SPOCK1: variants seen among roughly 807,000 people sequenced by gnomAD.
The protein encoded by SPOCK1 is SPARC (osteonectin), cwcv and kazal like domains proteoglycan 1.
In SPOCK1, 23 loss-of-function variants were observed where a neutral mutation model predicts 55.3. The ratio of observed to expected loss-of-function variants is 0.42; its 90% CI spans 0.30 to 0.59. The LOEUF (loss-of-function observed/expected upper bound fraction) is 0.59, where lower values mean the gene tolerates loss of function less well. Among genes scored for constraint, SPOCK1 ranks in the 20% least tolerant of loss-of-function variants. The pLI, the probability that SPOCK1 is intolerant of heterozygous loss-of-function variation, is 0.22. For synonymous variants in SPOCK1, 226 were observed against 221.0 expected (o/e 1.02, Z -0.20); for missense variants, 499 against 552.5 (o/e 0.90, Z 0.97).
rs192537037 is a variant in SPOCK1, at chr5:137,213,669, G to A, written c.232+53341C>T. 4.6e-5 allele frequency among the ~76,000 whole-genome samples: 7 copies of A among 152,294 alleles called. No individual in the cohort carries two copies. The East Asian group carries it at 1.3e-3, about 29-fold the overall frequency. ...ATGCTCCAAACTAATTCAGTATGTT[G>A]ATGAGCCTCTAGTTCCCCATCTGTA... On this transcript the variant is annotated intron_variant, in intron 3 of 10. Transcript: ENST00000394945.
intron 6 of SPOCK1, among the ~76,000 whole-genome samples, chr5:137,054,880 C>T (rs1752273062): frequency 6.6e-6 from 1 of 151,806 alleles, no homozygotes; most frequent in South Asian, 2.1e-4. Context: ...AGACATAATC[C>T]CTGCTTTCTA....
chr5:136,981,737 C>T (rs138740979), intron 9 of SPOCK1, among the ~76,000 whole-genome samples: 2 of 152,252 alleles, frequency 1.3e-5, no homozygotes, highest in African/African-American at 4.8e-5. Flanking sequence ...ACATTCAATG[C>T]CTAGATTCAG....
chr5:137,258,801 C>T (rs976754340), intron 3 of SPOCK1, among the ~76,000 whole-genome samples: 3 of 152,188 alleles, frequency 2.0e-5, no homozygotes, highest in Admixed American at 1.3e-4. Flanking sequence ...AGCTGCAGTG[C>T]CCCATAATTG....
intron 2 of SPOCK1, among the ~76,000 whole-genome samples, chr5:137,425,810 T>C (rs1752596156): frequency 6.6e-6 from 1 of 152,250 alleles, no homozygotes; most frequent in East Asian, 1.9e-4. Context: ...AGTCACACTA[T>C]ATTATAGAAT....
intron 5 of SPOCK1, among the ~76,000 whole-genome samples, chr5:137,097,341 A>G (rs1337087528): frequency 6.6e-6 from 1 of 152,228 alleles, no homozygotes; most frequent in East Asian, 1.9e-4. Flanking sequence ...GTTCCAGTAC[A>G]GTCATCCCAG....
At chr5:137,095,895 T>C (rs1257568131) in intron 5 of SPOCK1, among the ~76,000 whole-genome samples, 6 of 150,558 alleles carry the variant, frequency 4.0e-5, no homozygotes, top group Non-Finnish European at 7.4e-5. Context: ...ACCTGTGAGC[T>C]GTGAAAACCA....
intron 6 of SPOCK1, among the ~76,000 whole-genome samples, chr5:136,997,170 T>C (rs1751059246): frequency 6.6e-6 from 1 of 152,190 alleles, no homozygotes; most frequent in Non-Finnish European, 1.5e-5. Context: ...GAGCCACGTC[T>C]CTGGGATCCA....
chr5:137,356,838 T>TATATATATGGAGAGAGAG (rs1554077335), intron 2 of SPOCK1, among the ~76,000 whole-genome samples: 1 of 5,460 alleles, frequency 1.8e-4, no homozygotes, highest in Non-Finnish European at 3.1e-4. Flanking sequence ...TATATATATA[T>TATATATATGGAGAGAGAG]AGAGAGAGAG....
At chr5:137,145,571 C>T (rs75553613) in intron 3 of SPOCK1, among the ~76,000 whole-genome samples, 6,599 of 152,236 alleles carry the variant, frequency 0.043, 480 homozygotes, top group African/African-American at 0.15. Context: ...AAATCACACA[C>T]ATTTGTGTTT....
intron 3 of SPOCK1, among the ~76,000 whole-genome samples, chr5:137,220,668 C>A (rs1330148443): frequency 6.6e-6 from 1 of 152,170 alleles, no homozygotes; most frequent in Non-Finnish European, 1.5e-5. Flanking sequence ...ACACTAAGGA[C>A]AAGGACTGAG....
chr5:137,133,650 A>G (rs987351143), intron 4 of SPOCK1, among the ~76,000 whole-genome samples: 1 of 152,178 alleles, frequency 6.6e-6, no homozygotes, highest in Non-Finnish European at 1.5e-5. Flanking sequence ...CTCCACAAAC[A>G]GCTAGGTCCT....
intron 2 of SPOCK1, among the ~76,000 whole-genome samples, chr5:137,352,607 G>A: frequency 6.6e-6 from 1 of 152,136 alleles, no homozygotes. Flanking sequence ...AGAAGCCATG[G>A]TGGAAAGACG....
chr5:137,099,171 T>G (rs750369270), intron 5 of SPOCK1, among the ~76,000 whole-genome samples: 10 of 152,202 alleles, frequency 6.6e-5, no homozygotes. Context: ...TCAGCCTAGA[T>G]GAGAGAGCAA....
intron 2 of SPOCK1, among the ~76,000 whole-genome samples, chr5:137,399,244 G>T (rs576830754): frequency 1.3e-5 from 2 of 152,308 alleles, no homozygotes; most frequent in South Asian, 4.1e-4. Context: ...TAATACTGAG[G>T]ACTAGGCATT....
At chr5:137,101,879 A>G (rs911996227) in intron 5 of SPOCK1, among the ~76,000 whole-genome samples, 1 of 152,220 alleles carries the variant, frequency 6.6e-6, no homozygotes, top group Non-Finnish European at 1.5e-5. Flanking sequence ...TCCTGAATTA[A>G]AATGACACTA....
At chr5:137,035,286 C>T (rs1347192834) in intron 6 of SPOCK1, among the ~76,000 whole-genome samples, 1 of 152,190 alleles carries the variant, frequency 6.6e-6, no homozygotes, top group African/African-American at 2.4e-5. Flanking sequence ...CCTGCGGCTC[C>T]CCCAGCGGAT....
intron 2 of SPOCK1, among the ~76,000 whole-genome samples, chr5:137,373,006 T>C (rs1751234129): frequency 6.6e-6 from 1 of 152,224 alleles, no homozygotes; most frequent in African/African-American, 2.4e-5. Flanking sequence ...CTTGAGGCTG[T>C]GAGTTCCCTC....
intron 6 of SPOCK1, among the ~76,000 whole-genome samples, chr5:137,056,283 C>T (rs777403412): frequency 3.9e-5 from 6 of 151,958 alleles, no homozygotes; most frequent in Non-Finnish European, 7.4e-5. Context: ...GACAGGGGGT[C>T]TATGGGAAGT....
chr5:137,439,314 C>A (rs1213707205), intron 2 of SPOCK1, among the ~76,000 whole-genome samples: 4 of 152,190 alleles, frequency 2.6e-5, no homozygotes, highest in Non-Finnish European at 5.9e-5. Flanking sequence ...CTTCCCTTCT[C>A]TTGCCCTAGG....
Sources: gnomAD v4.1 joint callset for allele counts (sites outside exome capture counted in the v4.1 genomes callset) on GRCh38, gnomAD v4.1.1 for gene constraint, MANE v1.5 for transcripts, NCBI Gene and HGNC (gene_info 2026-07-23, HGNC 2026-07-21) for gene names.